CPA4: variants seen among roughly 807,000 people sequenced by gnomAD.
CPA4 encodes the protein carboxypeptidase A3.
A neutral mutation model predicts 54.7 loss-of-function variants in CPA4; 49 were observed. The ratio of observed to expected loss-of-function variants is 0.90; its 90% CI spans 0.71 to 1.14. CPA4 has a LOEUF of 1.14. Among genes scored for constraint, CPA4 ranks in the 50% most tolerant of loss-of-function variants. The pLI, the probability that CPA4 is intolerant of heterozygous loss-of-function variation, is 0.00. For missense variants in CPA4, 487 were observed against 525.1 expected (o/e 0.93, Z 0.71); for synonymous variants, 215 against 206.8 (o/e 1.04, Z -0.34).
At chr7:130,307,700 A>G (rs1009949545) in intron 7 of CPA4, among the ~76,000 whole-genome samples, 5 of 151,910 alleles carry the variant, frequency 3.3e-5, no homozygotes, top group Non-Finnish European at 5.9e-5. Flanking sequence ...AGGTCTGCGC[A>G]TGCACCTGGT....
chr7:130,306,452 C>G (rs1459877111), intron 6 of CPA4, among the ~76,000 whole-genome samples: 1 of 152,214 alleles, frequency 6.6e-6, no homozygotes, highest in Non-Finnish European at 1.5e-5. Context: ...TCTTCCTTCC[C>G]TCTTCATTGG....
At chr7:130,301,928 C>T (rs1793744032) in intron 4 of CPA4, among the ~76,000 whole-genome samples, 1 of 152,208 alleles carries the variant, frequency 6.6e-6, no homozygotes, top group Non-Finnish European at 1.5e-5. Flanking sequence ...CCCATGAAAT[C>T]AGCCTCATGA....
chr7:130,308,269 C>T (rs1793855921), intron 7 of CPA4, 38 bp from the exon 8 acceptor site: 2 of 1,554,484 alleles, frequency 1.3e-6, no homozygotes, highest in Admixed American at 1.7e-5. Flanking sequence ...ATCTGATCTG[C>T]CTCTGGTTGT....
At chr7:130,308,264 A>T (rs898202019) in intron 7 of CPA4, 43 bp from the exon 8 acceptor site, 11 of 1,541,276 alleles carry the variant, frequency 7.1e-6, no homozygotes, top group Non-Finnish European at 9.0e-6. Context: ...CGGTGATCTG[A>T]TCTGCCTCTG....
intron 4 of CPA4, 53 bp from the exon 5 acceptor site, chr7:130,304,425 C>T (rs554539723): frequency 1.0e-6 from 1 of 1,003,850 alleles, no homozygotes; most frequent in Non-Finnish European, 1.6e-6. Context: ...GATATCCAGC[C>T]ATAGATAAGC....
intron 4 of CPA4, among the ~76,000 whole-genome samples, chr7:130,304,219 C>T (rs143712667): frequency 3.9e-4 from 59 of 152,214 alleles, no homozygotes; most frequent in African/African-American, 1.2e-3. Context: ...AGTGTTAGAG[C>T]AATATTGCAA....
chr7:130,313,789 T>C (rs969352306), intron 10 of CPA4, among the ~76,000 whole-genome samples: 2 of 152,196 alleles, frequency 1.3e-5, no homozygotes, highest in African/African-American at 2.4e-5. Flanking sequence ...TCCAGTTTAG[T>C]TGGTGCGGAG....
At chr7:130,297,840 C>G (rs1793673934) in intron 1 of CPA4, among the ~76,000 whole-genome samples, 1 of 152,210 alleles carries the variant, frequency 6.6e-6, no homozygotes, top group African/African-American at 2.4e-5. Flanking sequence ...TGGCTCCCAT[C>G]TCCCCCAGCC....
chr7:130,301,638 GTTGT>G (rs1793739737), intron 4 of CPA4, among the ~76,000 whole-genome samples: 1 of 152,104 alleles, frequency 6.6e-6, no homozygotes, highest in Non-Finnish European at 1.5e-5. Context: ...CTTAATACAT[GTTGT>G]TCTTGATATA....
intron 4 of CPA4, among the ~76,000 whole-genome samples, chr7:130,303,041 A>G (rs969322197): frequency 8.5e-5 from 13 of 152,094 alleles, no homozygotes; most frequent in Non-Finnish European, 1.3e-4. Flanking sequence ...TTGCCTATGT[A>G]TTTGGAGGTG....
intron 1 of CPA4, among the ~76,000 whole-genome samples, chr7:130,294,188 G>A (rs1793615203): frequency 6.6e-6 from 1 of 152,150 alleles, no homozygotes; most frequent in African/African-American, 2.4e-5. Context: ...AGGCCACTTA[G>A]CTGGGAAGCA....
At chr7:130,296,046 T>G (rs1277695737) in intron 1 of CPA4, among the ~76,000 whole-genome samples, 1 of 152,160 alleles carries the variant, frequency 6.6e-6, no homozygotes, top group Non-Finnish European at 1.5e-5. Context: ...ATCTGAAGAC[T>G]GTTAGGACTT....
intron 1 of CPA4, among the ~76,000 whole-genome samples, chr7:130,295,236 G>A (rs1793629881): frequency 6.6e-6 from 1 of 152,264 alleles, no homozygotes; most frequent in Admixed American, 6.5e-5. Flanking sequence ...GGGCCACTTG[G>A]CTGTCAGCAT....
intron 3 of CPA4, among the ~76,000 whole-genome samples, chr7:130,300,333 ATTTTTTT>A (rs767924823): frequency 1.6e-5 from 2 of 124,434 alleles, no homozygotes; most frequent in Non-Finnish European, 1.7e-5. Context: ...CAAGAAGTAA[ATTTTTTT>A]TTTTTTTTTT....
Position 130,317,846 on chromosome 7 carries a change from C to G in CPA4, c.1079-4643C>G, listed in dbSNP as rs55721923. Among the ~76,000 whole-genome samples the G allele has an allele frequency of 4.4e-3, 670 of 152,252 alleles. 4 individuals are homozygous for G. The highest frequency in any genetic ancestry group is 0.015 in the African/African-American group (614 of 41,548). ...AACCCCTGCAAACTCGCTGCTGTTTCTTTCCTCTTCAATTCTCCGCCCACT... is the reference window on the plus strand; with the variant it reads ...AACCCCTGCAAACTCGCTGCTGTTTGTTTCCTCTTCAATTCTCCGCCCACT... On this transcript the variant is annotated intron_variant, in intron 10 of 10. Coordinates refer to ENST00000222482, the MANE Select transcript of CPA4 (RefSeq NM_016352.4).
At chr7:130,313,661 T>A (rs1793947025) in intron 10 of CPA4, among the ~76,000 whole-genome samples, 1 of 152,154 alleles carries the variant, frequency 6.6e-6, no homozygotes, top group Admixed American at 6.5e-5. Context: ...AAGGCCTCCA[T>A]CAAAGGAATG....
chr7:130,297,091 A>G (rs1486067168), intron 1 of CPA4, among the ~76,000 whole-genome samples: 1 of 151,960 alleles, frequency 6.6e-6, no homozygotes, highest in African/African-American at 2.4e-5. Context: ...TAGCTGGCCT[A>G]CAGGTGTGAA....
intron 5 of CPA4, among the ~76,000 whole-genome samples, chr7:130,305,348 T>C (rs977334839): frequency 2.0e-5 from 3 of 152,218 alleles, no homozygotes; most frequent in African/African-American, 7.2e-5. Context: ...GGCCCAACAC[T>C]ATGGCAAAGG....
At position 130,308,315 on chromosome 7, in the gene CPA4, A is replaced by AT. The variant is rs1371706546; in HGVS notation, c.712dup (p.Trp238LeufsTer17). 2 of 1,614,052 alleles carry AT rather than the reference A, an allele frequency of 1.2e-6. No homozygotes were observed. The highest frequency in any genetic ancestry group is 3.3e-5 in the Admixed American group (2 of 60,020). ...CTTGGTGGCTTTTTCAGAACCGATT[A>AT]TGGAGGAAGACGCGGTCCCGAAATC... On this transcript the variant is annotated frameshift_variant, in exon 8 of 11. Transcript: ENST00000222482. LOFTEE classifies it high-confidence loss of function.
Sources: gnomAD v4.1 joint callset for allele counts (sites outside exome capture counted in the v4.1 genomes callset) on GRCh38, gnomAD v4.1.1 for gene constraint, MANE v1.5 for transcripts, NCBI Gene and HGNC (gene_info 2026-07-23, HGNC 2026-07-21) for gene names.